Variants in SPIDR observed in about 807,000 individuals in gnomAD.
SPIDR encodes scaffold protein involved in DNA repair, also known as DNA repair-scaffolding protein.
In SPIDR, 93 loss-of-function variants were observed where a neutral mutation model predicts 104.6. The observed-to-expected ratio is 0.89, with a 90% CI of 0.75 to 1.06. The LOEUF is 1.06. SPIDR is among the 50% of genes least tolerant of loss of function. The pLI, the probability that SPIDR is intolerant of heterozygous loss-of-function variation, is 0.00. For missense variants in SPIDR, 1,154 were observed against 1,111.2 expected, an observed-to-expected ratio of 1.04 and a Z score of -0.55; for synonymous variants, 431 against 416.9, an observed-to-expected ratio of 1.03 and a Z score of -0.41.
intron 8 of SPIDR, among the ~76,000 whole-genome samples, chr8:47,486,251 C>T (rs1250984798): frequency 6.6e-6 from 1 of 152,092 alleles, no homozygotes; most frequent in Non-Finnish European, 1.5e-5. Flanking sequence ...GAAAAGGTAT[C>T]AGAGACTGGA....
rs116309857 is a variant in SPIDR at position 47,666,650 on chromosome 8, A to G, written c.1545-7151A>G. ...AGGGCCTTTTGAGGAGAAGAATGCA[A>G]ATAGAACAGGATCTGGCACTAACTG... On this transcript the variant is annotated intron_variant, in intron 10 of 19. Transcript: ENST00000297423. Among the ~76,000 whole-genome samples the G allele has an allele frequency of 1.1e-3, 170 of 152,326 alleles. 1 individual carries two copies. The highest frequency in any genetic ancestry group is 4.0e-3 in the African/African-American group (165 of 41,566).
chr8:47,510,974 G>A, intron 8 of SPIDR: 1 of 654,364 alleles, frequency 1.5e-6, no homozygotes, highest in Non-Finnish European at 2.8e-6. Context: ...GATCCCCATG[G>A]GGCATGGCCA....
chr8:47,527,795 G>A (rs940569089), intron 8 of SPIDR: 4 of 152,206 alleles, frequency 2.6e-5, no homozygotes, highest in African/African-American at 4.8e-5. Context: ...TCCATCTTTG[G>A]ACAGAGAGCT....
chr8:47,485,482 G>C (rs1159465486), intron 8 of SPIDR, among the ~76,000 whole-genome samples: 6 of 152,226 alleles, frequency 3.9e-5, no homozygotes, highest in African/African-American at 1.4e-4. Flanking sequence ...AAATGTCCCT[G>C]TCTGACAGCT....
chr8:47,608,755 C>T (rs1207188334), intron 10 of SPIDR, among the ~76,000 whole-genome samples: 2 of 152,164 alleles, frequency 1.3e-5, no homozygotes, highest in African/African-American at 2.4e-5. Context: ...GATGGAGTCT[C>T]GCTCTGTCGC....
intron 11 of SPIDR, among the ~76,000 whole-genome samples, chr8:47,688,278 A>G (rs1232033193): frequency 6.6e-6 from 1 of 152,044 alleles, no homozygotes; most frequent in Non-Finnish European, 1.5e-5. Context: ...GCCCGCCACC[A>G]TGCCCGGCTA....
chr8:47,673,042 T>G (rs1172788786), intron 10 of SPIDR, among the ~76,000 whole-genome samples: 1 of 152,260 alleles, frequency 6.6e-6, no homozygotes, highest in Non-Finnish European at 1.5e-5. Flanking sequence ...TTTATGTCCA[T>G]TTTGTGATGT....
chr8:47,717,954 C>G (rs1350590836), intron 16 of SPIDR, among the ~76,000 whole-genome samples: 1 of 152,168 alleles, frequency 6.6e-6, no homozygotes, highest in Non-Finnish European at 1.5e-5. Flanking sequence ...AGTGTAACAC[C>G]TTTCTAAAAT....
chr8:47,303,164 C>T (rs1465639381), intron 5 of SPIDR, among the ~76,000 whole-genome samples: 1 of 152,212 alleles, frequency 6.6e-6, no homozygotes, highest in Non-Finnish European at 1.5e-5. Context: ...CTCCCGCAGC[C>T]TGGCTGCTGC....
At chr8:47,416,497 C>G (rs1489790830) in intron 7 of SPIDR, among the ~76,000 whole-genome samples, 1 of 151,934 alleles carries the variant, frequency 6.6e-6, no homozygotes, top group Non-Finnish European at 1.5e-5. Flanking sequence ...ATTTGTGTAC[C>G]AGTTTTTGAG....
chr8:47,415,125 G>C (rs1191378437), intron 7 of SPIDR, among the ~76,000 whole-genome samples: 1 of 152,086 alleles, frequency 6.6e-6, no homozygotes, highest in Non-Finnish European at 1.5e-5. Flanking sequence ...GGATGGTCTT[G>C]ATCTCCTGAC....
At chr8:47,282,854 T>C (rs1189905358) in intron 2 of SPIDR, among the ~76,000 whole-genome samples, 7 of 151,760 alleles carry the variant, frequency 4.6e-5, no homozygotes, top group Non-Finnish European at 8.8e-5. Flanking sequence ...AGCTTCTTTT[T>C]TCTTTTTCTT....
chr8:47,615,007 C>T (rs1331831590), intron 10 of SPIDR, among the ~76,000 whole-genome samples: 2 of 151,920 alleles, frequency 1.3e-5, no homozygotes, highest in Non-Finnish European at 2.9e-5. Flanking sequence ...GCGAAATTTT[C>T]CTCCCATCCT....
chr8:47,502,894 A>G (rs2080773098), intron 8 of SPIDR, among the ~76,000 whole-genome samples: 2 of 152,136 alleles, frequency 1.3e-5, no homozygotes, highest in Admixed American at 6.5e-5. Context: ...TTCGTTATGT[A>G]CTCAGTAGTC....
chr8:47,271,148 T>C lies in SPIDR; in HGVS notation c.34-8714T>C, dbSNP rs2035237371. 3.3e-5 allele frequency among the ~76,000 whole-genome samples: 5 copies of C among 152,332 alleles called. No individual in the cohort carries two copies. The South Asian group carries it at 1.0e-3, about 32-fold the overall frequency. ...TGACGTATATTTTCTTTTGCTACTT[T>C]CATAGTTTTTTCTCTGTTTTTCACC... On this transcript the variant is annotated intron_variant, in intron 1 of 19. Coordinates refer to ENST00000297423, the MANE Select transcript of SPIDR (RefSeq NM_001080394.4).
chr8:47,684,585 AT>A (rs2077509803), intron 11 of SPIDR, among the ~76,000 whole-genome samples: 1 of 152,248 alleles, frequency 6.6e-6, no homozygotes, highest in African/African-American at 2.4e-5. Flanking sequence ...ATGAGATCAC[AT>A]TCATAGAAGT....
At chr8:47,333,291 A>G (rs1167851095) in intron 5 of SPIDR, among the ~76,000 whole-genome samples, 8 of 152,140 alleles carry the variant, frequency 5.3e-5, no homozygotes, top group East Asian at 1.9e-4. Context: ...TGAAAGGAGC[A>G]TACTTTATTA....
chr8:47,272,013 T>G (rs2154215092), intron 1 of SPIDR, among the ~76,000 whole-genome samples: 1 of 152,210 alleles, frequency 6.6e-6, no homozygotes, highest in Middle Eastern at 3.4e-3. Context: ...CTCTCTCTGT[T>G]GCTCAGGCTG....
At chr8:47,508,149 A>G (rs995984234) in intron 8 of SPIDR, among the ~76,000 whole-genome samples, 2 of 152,246 alleles carry the variant, frequency 1.3e-5, no homozygotes, top group African/African-American at 4.8e-5. Flanking sequence ...AACAAATCCT[A>G]TCAGCATGAT....
Sources: gnomAD v4.1 joint callset for allele counts (sites outside exome capture counted in the v4.1 genomes callset) on GRCh38, gnomAD v4.1.1 for gene constraint, MANE v1.5 for transcripts, NCBI Gene and HGNC (gene_info 2026-07-23, HGNC 2026-07-21) for gene names.